RNLS: variants seen among roughly 807,000 people sequenced by gnomAD.
RNLS encodes renalase, FAD dependent amine oxidase.
RNLS carries 39 observed loss-of-function variants against 39.8 expected under a neutral mutation model. The ratio of observed to expected loss-of-function variants is 0.98; its 90% CI spans 0.76 to 1.28. The LOEUF (loss-of-function observed/expected upper bound fraction) is 1.28. RNLS is among the 50% of genes most tolerant of loss of function. The pLI, the probability that RNLS is intolerant of heterozygous loss-of-function variation, is 0.00. For synonymous variants in RNLS, 147 were observed against 150.7 expected (o/e 0.98, Z 0.18); for missense variants, 410 against 413.3 (o/e 0.99, Z 0.07).
intron 4 of RNLS, among the ~76,000 whole-genome samples, chr10:88,392,033 G>T (rs1332539487): frequency 6.6e-6 from 1 of 152,186 alleles, no homozygotes; most frequent in African/African-American, 2.4e-5. Flanking sequence ...CTGTCTGATG[G>T]TTCCCTGAAA....
At chr10:88,514,301 C>G (rs993002785) in intron 4 of RNLS, among the ~76,000 whole-genome samples, 1 of 152,042 alleles carries the variant, frequency 6.6e-6, no homozygotes, top group Non-Finnish European at 1.5e-5. Context: ...AACTCACTCA[C>G]TATCACAAGA....
At chr10:88,374,503 T>C (rs1034010978) in intron 4 of RNLS, among the ~76,000 whole-genome samples, 1 of 152,122 alleles carries the variant, frequency 6.6e-6, no homozygotes, top group African/African-American at 2.4e-5. Context: ...ATTCCTCCTT[T>C]TGCTTTCCTG....
At chr10:88,283,424 C>T (rs553166346), downstream of RNLS, among the ~76,000 whole-genome samples, 4 of 152,190 alleles carry the variant, frequency 2.6e-5, no homozygotes, top group Non-Finnish European at 5.9e-5. Context: ...CCCTCCCCCT[C>T]CTTTGGAGGA....
At chr10:88,203,456 G>GTATGTGTGTATATATATA in the RNLS span, among the ~76,000 whole-genome samples, 2 of 1,210 alleles carry the variant, frequency 1.7e-3, no homozygotes, top group Non-Finnish European at 3.1e-3. Context: ...GTGTGTGTGT[G>GTATGTGTGTATATATATA]TATATATATA....
chr10:88,177,674 T>C, the RNLS span, among the ~76,000 whole-genome samples: 1 of 152,236 alleles, frequency 6.6e-6, no homozygotes, highest in African/African-American at 2.4e-5. Flanking sequence ...TGTGTCCTTA[T>C]GTTGATATTT....
chr10:88,578,431 T>C (rs1025460447), intron 3 of RNLS, among the ~76,000 whole-genome samples: 5 of 152,080 alleles, frequency 3.3e-5, no homozygotes, highest in Non-Finnish European at 7.4e-5. Flanking sequence ...ATTTATAGAA[T>C]AGAAAGGTTA....
intron 4 of RNLS, among the ~76,000 whole-genome samples, chr10:88,537,071 G>T (rs1847800525): frequency 1.3e-5 from 2 of 152,142 alleles, no homozygotes; most frequent in African/African-American, 4.8e-5. Flanking sequence ...GTTTAACAAT[G>T]GTTCTAGGGT....
chr10:88,231,274 T>C, the RNLS span, among the ~76,000 whole-genome samples: 1 of 152,098 alleles, frequency 6.6e-6, no homozygotes, highest in African/African-American at 2.4e-5. Context: ...AAAGAGGAGA[T>C]TAGGATACAG....
the RNLS span, among the ~76,000 whole-genome samples, chr10:88,258,000 C>T: frequency 2.6e-5 from 4 of 152,184 alleles, no homozygotes; most frequent in African/African-American, 9.7e-5. Context: ...TAAACACACA[C>T]CCTTTCCCCC....
Position 88,530,474 on chromosome 10 carries a change from T to C in RNLS, c.526+42429A>G, listed in dbSNP as rs181541845. ...GTTTTTTCCTCTGTCAATTTAGAAG[T>C]TACAATTTTATGTAGTTATTTTTTT... On this transcript the variant is annotated intron_variant, in intron 4 of 6. Transcript: ENST00000331772. Among the ~76,000 whole-genome samples the C allele has an allele frequency of 1.8e-3, 277 of 152,336 alleles. 4 individuals carry two copies. Among genetic ancestry groups the C allele is most frequent in the African/African-American group, 6.4e-3 (268 of 41,594 alleles).
At chr10:88,221,490 A>G in the RNLS span, among the ~76,000 whole-genome samples, 1 of 152,232 alleles carries the variant, frequency 6.6e-6, no homozygotes, top group Non-Finnish European at 1.5e-5. Context: ...ATTCCAATGA[A>G]TGGAGTTACA....
the RNLS span, among the ~76,000 whole-genome samples, chr10:88,187,196 A>AT: frequency 0.018 from 137 of 7,584 alleles, 5 homozygotes; most frequent in African/African-American, 0.03. Context: ...TAATATATAT[A>AT]ATATATATAT....
chr10:88,217,258 C>T, the RNLS span, among the ~76,000 whole-genome samples: 5 of 152,076 alleles, frequency 3.3e-5, no homozygotes, highest in Non-Finnish European at 5.9e-5. Flanking sequence ...GTTCGTCAAA[C>T]GAAACAGGAC....
At chr10:88,548,741 T>C (rs1427191290) in intron 4 of RNLS, among the ~76,000 whole-genome samples, 1 of 149,018 alleles carries the variant, frequency 6.7e-6, no homozygotes, top group Non-Finnish European at 1.5e-5. Flanking sequence ...TGGCCATATA[T>C]TTGTGTGTAC....
chr10:88,287,673 CTT>C (rs1354235551), intron 6 of RNLS, among the ~76,000 whole-genome samples: 9 of 152,048 alleles, frequency 5.9e-5, no homozygotes, highest in South Asian at 2.1e-4. Flanking sequence ...CCTCGAGAAA[CTT>C]ATAATCATGG....
chr10:88,278,561 C>T (rs555490740), intron 6 of RNLS, among the ~76,000 whole-genome samples: 3 of 152,232 alleles, frequency 2.0e-5, no homozygotes, highest in African/African-American at 7.2e-5. Flanking sequence ...TGATTGTTTG[C>T]ACAAGGACAG....
At chr10:88,378,341 T>G (rs1851194789) in intron 4 of RNLS, among the ~76,000 whole-genome samples, 1 of 152,234 alleles carries the variant, frequency 6.6e-6, no homozygotes, top group Admixed American at 6.5e-5. Context: ...CCATCCTGTT[T>G]CTGGCCACTC....
intron 4 of RNLS, among the ~76,000 whole-genome samples, chr10:88,402,631 C>A (rs536840291): frequency 4.6e-5 from 7 of 152,016 alleles, no homozygotes; most frequent in African/African-American, 1.7e-4. Context: ...ATGCAGAAGA[C>A]AATGTAGTGT....
chr10:88,247,576 G>T, the RNLS span, among the ~76,000 whole-genome samples: 528 of 152,284 alleles, frequency 3.5e-3, no homozygotes, highest in Non-Finnish European at 5.4e-3. Flanking sequence ...TCAAGGGGTT[G>T]TGGTAAGGAT....
Sources: allele counts gnomAD v4.1 joint callset (sites outside exome capture counted in the v4.1 genomes callset), GRCh38; gene constraint gnomAD v4.1.1; transcripts MANE v1.5; gene names NCBI Gene and HGNC (gene_info 2026-07-23, HGNC 2026-07-21).